The following NLGN1 variants were observed in gnomAD, a reference collection of about 807,000 sequenced individuals.
NLGN1 encodes the protein neuroligin 1, also known as neuroligin-1.
Under a neutral mutation model 65.5 loss-of-function variants are expected in NLGN1, and 12 were observed. The ratio of observed to expected loss-of-function variants is 0.18; its 90% confidence interval spans 0.12 to 0.30. The LOEUF (loss-of-function observed/expected upper bound fraction) is 0.30, where lower values mean the gene tolerates loss of function less well. Ranked by LOEUF, NLGN1 falls within the 10% of genes least tolerant of loss-of-function variation. The pLI, the probability that NLGN1 is intolerant of heterozygous loss-of-function variation, is 1.00. For synonymous variants in NLGN1, 350 were observed against 359.5 expected, an observed-to-expected ratio of 0.97 and a Z score of 0.30; for missense variants, 750 against 1,007.1, an observed-to-expected ratio of 0.74 and a Z score of 3.46.
At chr3:173,999,486 A>T (rs549726721) in intron 4 of NLGN1, among the ~76,000 whole-genome samples, 3 of 152,308 alleles carry the variant, frequency 2.0e-5, no homozygotes, top group African/African-American at 7.2e-5. Context: ...CAGAAATATA[A>T]TTTCAACCGT....
At chr3:173,789,231 AGAAG>A (rs1231412486) in intron 3 of NLGN1, among the ~76,000 whole-genome samples, 5 of 152,084 alleles carry the variant, frequency 3.3e-5, no homozygotes, top group South Asian at 2.1e-4. Context: ...AGAGAAAGAA[AGAAG>A]GAAGGAAGGA....
chr3:173,974,793 A>G (rs1367428089), intron 4 of NLGN1, among the ~76,000 whole-genome samples: 2 of 152,078 alleles, frequency 1.3e-5, no homozygotes, highest in African/African-American at 4.8e-5. Flanking sequence ...CAGTCCTAGC[A>G]TATAGTCTTT....
chr3:174,203,009 CTTAT>C (rs1734765217), intron 4 of NLGN1, among the ~76,000 whole-genome samples: 2 of 151,934 alleles, frequency 1.3e-5, no homozygotes, highest in African/African-American at 2.4e-5. Flanking sequence ...CATTCATTTA[CTTAT>C]TTATTTATTT....
chr3:173,960,997 A>G (rs1713418014), intron 4 of NLGN1, among the ~76,000 whole-genome samples: 1 of 151,992 alleles, frequency 6.6e-6, no homozygotes, highest in Admixed American at 6.6e-5. Flanking sequence ...ACATATCTTT[A>G]TCTGTCTTTT....
Position 174,252,565 on chromosome 3 carries a change from A to G in NLGN1, c.647-22750A>G, listed in dbSNP as rs183007589. Reference sequence around the variant, plus strand: ...AACTAGGGTCCTAACCAGCTATGTGATATCAGGCAATTTACATTCCCTCTC... The same window carrying G: ...AACTAGGGTCCTAACCAGCTATGTGGTATCAGGCAATTTACATTCCCTCTC... On this transcript the variant is annotated intron_variant, in intron 4 of 6. Coordinates refer to ENST00000457714, the Ensembl canonical transcript of NLGN1. 5.9e-5 allele frequency among the ~76,000 whole-genome samples: 9 copies of G among 152,256 alleles called. No homozygotes were observed. In the East Asian group the frequency reaches 1.5e-3, roughly 26 times the overall value.
chr3:173,678,900 TC>T (rs1763546544), intron 3 of NLGN1, among the ~76,000 whole-genome samples: 1 of 152,108 alleles, frequency 6.6e-6, no homozygotes, highest in African/African-American at 2.4e-5. Flanking sequence ...TTAGGAGAAT[TC>T]CTTGCTTTAC....
intron 2 of NLGN1, among the ~76,000 whole-genome samples, chr3:173,559,841 A>ACGATTT (rs1742363920): frequency 6.6e-6 from 1 of 152,184 alleles, no homozygotes; most frequent in Non-Finnish European, 1.5e-5. Context: ...TTGCATATAA[A>ACGATTT]CGATTTTCTG....
chr3:174,002,666 C>G (rs1293432521), intron 4 of NLGN1, among the ~76,000 whole-genome samples: 3 of 152,034 alleles, frequency 2.0e-5, no homozygotes, highest in African/African-American at 7.2e-5. Flanking sequence ...CTCTTGGAAA[C>G]TGACAAATGT....
chr3:173,753,356 A>G (rs185103589), intron 3 of NLGN1, among the ~76,000 whole-genome samples: 5 of 152,224 alleles, frequency 3.3e-5, no homozygotes, highest in African/African-American at 7.2e-5. Flanking sequence ...TATTTGTTTC[A>G]TGGTCTTCCC....
intron 4 of NLGN1, among the ~76,000 whole-genome samples, chr3:174,147,043 T>C (rs1723408404): frequency 6.6e-6 from 1 of 152,214 alleles, no homozygotes; most frequent in Admixed American, 6.5e-5. Context: ...AAACTTTTGT[T>C]CAAGATGGTT....
chr3:173,920,930 A>C (rs1362282695), intron 4 of NLGN1: 1 of 152,040 alleles, frequency 6.6e-6, no homozygotes, highest in Non-Finnish European at 1.5e-5. Context: ...TATAGTTTCA[A>C]ATTTTGAATC....
intron 4 of NLGN1, among the ~76,000 whole-genome samples, chr3:174,176,185 A>G (rs192792793): frequency 1.3e-4 from 20 of 151,952 alleles, no homozygotes; most frequent in Admixed American, 8.6e-4. Context: ...AATTATATGT[A>G]TTTTTAGTGC....
At chr3:173,576,920 G>A (rs1343308964) in intron 2 of NLGN1, among the ~76,000 whole-genome samples, 1 of 152,060 alleles carries the variant, frequency 6.6e-6, no homozygotes, top group Non-Finnish European at 1.5e-5. Flanking sequence ...TCAACGAAAC[G>A]GTAATACCAA....
At chr3:173,636,934 G>T (rs1426843064) in intron 3 of NLGN1, among the ~76,000 whole-genome samples, 1 of 152,092 alleles carries the variant, frequency 6.6e-6, no homozygotes, top group Non-Finnish European at 1.5e-5. Context: ...ATAAGACAGT[G>T]CTATGCTTAA....
At chr3:174,083,033 A>T (rs1456471325) in intron 4 of NLGN1, among the ~76,000 whole-genome samples, 1 of 152,010 alleles carries the variant, frequency 6.6e-6, no homozygotes, top group Non-Finnish European at 1.5e-5. Flanking sequence ...GGCCCTGTTT[A>T]TTTTTTTCTA....
intron 4 of NLGN1, among the ~76,000 whole-genome samples, chr3:174,039,627 T>A (rs1731864643): frequency 1.3e-5 from 2 of 152,140 alleles, no homozygotes. Context: ...TAAGGCTCAG[T>A]AAGTTAGTGA....
chr3:173,565,692 C>G (rs1743530801), intron 2 of NLGN1, among the ~76,000 whole-genome samples: 1 of 151,954 alleles, frequency 6.6e-6, no homozygotes, highest in Non-Finnish European at 1.5e-5. Flanking sequence ...TCTTCAAATT[C>G]CTAGTTATAT....
chr3:173,638,749 G>A (rs1756976380), intron 3 of NLGN1, among the ~76,000 whole-genome samples: 1 of 152,064 alleles, frequency 6.6e-6, no homozygotes, highest in Admixed American at 6.6e-5. Flanking sequence ...TAAAAATATG[G>A]TTCATAGTCT....
At chr3:173,756,713 G>T (rs563218586) in intron 3 of NLGN1, among the ~76,000 whole-genome samples, 8 of 150,690 alleles carry the variant, frequency 5.3e-5, no homozygotes, top group African/African-American at 2.0e-4. Flanking sequence ...ATGATTCAGG[G>T]ACATTTATTT....
Sources: gnomAD v4.1 joint callset for allele counts (sites outside exome capture counted in the v4.1 genomes callset) on GRCh38, gnomAD v4.1.1 for gene constraint, MANE v1.5 for transcripts, NCBI Gene and HGNC (gene_info 2026-07-23, HGNC 2026-07-21) for gene names.